Variants in PCDHA1 observed in about 807,000 individuals in gnomAD.
The protein encoded by PCDHA1 is protocadherin alpha-1.
A neutral mutation model predicts 61.3 loss-of-function variants in PCDHA1; 42 were observed. The observed-to-expected ratio is 0.69, with a 90% CI of 0.54 to 0.89. The LOEUF (loss-of-function observed/expected upper bound fraction) is 0.89, where lower values mean the gene tolerates loss of function less well. Ranked by LOEUF, PCDHA1 falls within the 40% of genes least tolerant of loss-of-function variation. The pLI, the probability that PCDHA1 is intolerant of heterozygous loss-of-function variation, is 0.00. For synonymous variants in PCDHA1, 610 were observed against 553.8 expected (o/e 1.10, Z -1.43); for missense variants, 1,256 against 1,235.3 (o/e 1.02, Z -0.25).
chr5:140,869,488 A>C, intron 1 of PCDHA1: 1 of 1,614,132 alleles, frequency 6.2e-7, no homozygotes. Context: ...CATTAACGAC[A>C]ACCCGCCGGT....
chr5:140,807,016 T>C (rs1554123722), intron 1 of PCDHA1: 5 of 794,686 alleles, frequency 6.3e-6, no homozygotes, highest in Middle Eastern at 2.3e-4. Context: ...ACAAAATACA[T>C]GAGAGAAGGA....
chr5:140,966,452 C>T, intron 1 of PCDHA1: 1 of 425,890 alleles, frequency 2.3e-6, no homozygotes, highest in South Asian at 9.0e-5. Flanking sequence ...TTTCCCCCTC[C>T]CCCTCTGTCT....
At chr5:140,796,431 G>A (rs781982591) in intron 1 of PCDHA1, 2 of 1,613,688 alleles carry the variant, frequency 1.2e-6, no homozygotes, top group Non-Finnish European at 1.7e-6. Flanking sequence ...AGAACGCGCT[G>A]GTGTCCTACT....
rs57893927 is a variant in PCDHA1 at position 140,946,631 on chromosome 5, T to TATATAC, written c.2395-32317_2395-32316insTATACA. Among the ~76,000 whole-genome samples, 104 of 131,796 alleles carry TATATAC rather than the reference T, an allele frequency of 7.9e-4. 5 individuals are homozygous for TATATAC. Among genetic ancestry groups the TATATAC allele is most frequent in the Admixed American group, 1.7e-3 (23 of 13,490 alleles). The allele number at this position is 131,796 out of a possible 152,430, so 86.5% of individuals were successfully genotyped here. Reference sequence around the variant, plus strand: ...TGTGAAATATATATATATATATATATACAATGGAATACTCATCAGCCATTA... The same window carrying TATATAC: ...TGTGAAATATATATATATATATATATATATACACAATGGAATACTCATCAGCCATTA... On this transcript the variant is annotated intron_variant, in intron 1 of 3. Transcript: ENST00000504120.
At chr5:140,853,708 A>G (rs535294888) in intron 1 of PCDHA1, 3 of 986,248 alleles carry the variant, frequency 3.0e-6, no homozygotes, top group South Asian at 9.5e-5. Flanking sequence ...ACGCATTAGC[A>G]TTAGCAGCAC....
chr5:140,922,337 T>C lies in PCDHA1; in HGVS notation c.2395-56612T>C, dbSNP rs150639608. On this transcript the variant is annotated intron_variant, in intron 1 of 3. Transcript: ENST00000504120. ...GAAGATCTTGGAAAGGGTTGGTATA[T>C]TGGTATTTTCTAGAGTAGTGATTCT... Among the ~76,000 whole-genome samples the C allele has an allele frequency of 3.4e-3, 512 of 152,346 alleles. 3 individuals carry two copies. The highest frequency in any genetic ancestry group is 0.012 in the African/African-American group (489 of 41,580).
intron 1 of PCDHA1, among the ~76,000 whole-genome samples, chr5:140,841,023 C>T (rs1331109795): frequency 6.6e-6 from 1 of 152,000 alleles, no homozygotes; most frequent in Admixed American, 6.6e-5. Flanking sequence ...ATGAATGCCT[C>T]TGCAATTGAT....
intron 1 of PCDHA1, chr5:140,825,247 C>A (rs1768490028): frequency 6.6e-6 from 1 of 150,876 alleles, no homozygotes; most frequent in Non-Finnish European, 1.5e-5. Context: ...CTATGGTGTT[C>A]CATTGTGTAG....
intron 1 of PCDHA1, chr5:140,842,727 C>A (rs1554139317): frequency 6.3e-7 from 1 of 1,594,926 alleles, no homozygotes; most frequent in East Asian, 2.2e-5. Flanking sequence ...GAGAACAACC[C>A]GCCGGGCTGC....
intron 1 of PCDHA1, chr5:140,812,682 T>C (rs1304986293): frequency 6.6e-6 from 1 of 152,230 alleles, no homozygotes; most frequent in Non-Finnish European, 1.5e-5. Context: ...GGCACGATCA[T>C]AGCTCCCTGC....
intron 1 of PCDHA1, chr5:140,883,493 C>T (rs1554178441): frequency 6.2e-7 from 1 of 1,614,174 alleles, no homozygotes; most frequent in Non-Finnish European, 8.5e-7. Flanking sequence ...CTCATTAGTG[C>T]TGGACAGCGC....
At position 140,787,972 on chromosome 5, in the gene PCDHA1, A is replaced by ACG. The variant is rs1237786541; in HGVS notation, c.1686_1687dup (p.Pro563ArgfsTer89). On this transcript the variant is annotated frameshift_variant, in exon 1 of 4. Transcript: ENST00000504120. LOFTEE classifies it high-confidence loss of function. ...GTGTTCGTGCTGGACGAGAACGACA[A>ACG]CGCGCCGGCGCTGCTGGCGCCTCGA... is the stretch of plus-strand genomic sequence containing the variant. The ACG allele has an allele frequency of 2.5e-6, 4 of 1,613,952 alleles. No individual in the cohort carries two copies. The highest frequency in any genetic ancestry group is 2.5e-6 in the Non-Finnish European group (3 of 1,179,888).
At chr5:140,796,061 G>A in intron 1 of PCDHA1, 3 of 1,614,180 alleles carry the variant, frequency 1.9e-6, no homozygotes, top group Non-Finnish European at 2.5e-6. Flanking sequence ...GCTTCCCTGG[G>A]CACTGTCATT....
intron 1 of PCDHA1, chr5:140,802,505 G>T (rs376536820): frequency 1.2e-6 from 2 of 1,614,160 alleles, no homozygotes; most frequent in South Asian, 2.2e-5. Context: ...CTTCACTGTG[G>T]GCCACGGCCA....
At chr5:140,967,609 C>T (rs1026350659) in intron 1 of PCDHA1, 26 of 1,614,056 alleles carry the variant, frequency 1.6e-5, no homozygotes, top group Middle Eastern at 1.6e-4. Flanking sequence ...AGCTGAATGC[C>T]TCAGACCCGG....
Position 140,896,173 on chromosome 5 carries a change from TTGCTATTGTGAATAG to T in PCDHA1, c.2395-82772_2395-82758del, listed in dbSNP as rs1554186855. On this transcript the variant is annotated intron_variant, in intron 1 of 3. Transcript: ENST00000504120. ...GGGCATTTAGGATTATTCTCTGTCT[TTGCTATTGTGAATAG>T]TGCCATGATGAACATACACATACAT... 2.6e-4 allele frequency among the ~76,000 whole-genome samples: 40 copies of T among 152,340 alleles called. 1 individual carries two copies. The East Asian group carries it at 5.2e-3, about 20-fold the overall frequency.
At chr5:140,939,766 C>T (rs58911992) in intron 1 of PCDHA1, among the ~76,000 whole-genome samples, 27,055 of 152,058 alleles carry the variant, frequency 0.18, 2,673 homozygotes, top group African/African-American at 0.26. Context: ...TATAGTATTT[C>T]AGGGTGTGAA....
At chr5:140,833,769 G>A (rs2150211252) in intron 1 of PCDHA1, among the ~76,000 whole-genome samples, 5,218 of 144,902 alleles carry the variant, frequency 0.036, 318 homozygotes, top group African/African-American at 0.13. Context: ...CACACACACC[G>A]CTTTCTAAGT....
chr5:140,903,023 G>A (rs1554190732), intron 1 of PCDHA1, among the ~76,000 whole-genome samples: 1 of 152,126 alleles, frequency 6.6e-6, no homozygotes, highest in East Asian at 1.9e-4. Context: ...TATCAACATG[G>A]CTTGCACATG....
Sources: gnomAD v4.1 joint callset for allele counts (sites outside exome capture counted in the v4.1 genomes callset) on GRCh38, gnomAD v4.1.1 for gene constraint, MANE v1.5 for transcripts, NCBI Gene and HGNC (gene_info 2026-07-23, HGNC 2026-07-21) for gene names.